The following TENM3 variants were observed in gnomAD, a reference collection of about 807,000 sequenced individuals.
TENM3 encodes teneurin transmembrane protein 3.
TENM3 carries 63 observed loss-of-function variants against 255.1 expected under a neutral mutation model. The ratio of observed to expected loss-of-function variants is 0.25; its 90% CI spans 0.20 to 0.30. TENM3 has a LOEUF of 0.30. TENM3 is among the 10% of genes least tolerant of loss of function. TENM3 has a pLI of 1.00. For missense variants in TENM3, 2,929 were observed against 3,461.1 expected, an observed-to-expected ratio of 0.85 and a Z score of 3.86; for synonymous variants, 1,306 against 1,322.3, an observed-to-expected ratio of 0.99 and a Z score of 0.27.
the TENM3 span, among the ~76,000 whole-genome samples, chr4:181,539,178 G>GAACC: frequency 6.6e-6 from 1 of 152,122 alleles, no homozygotes; most frequent in South Asian, 2.1e-4. Flanking sequence ...AGCATTGGAA[G>GAACC]AACCAACCAA....
chr4:182,163,966 A>G (rs962205394), intron 1 of TENM3, among the ~76,000 whole-genome samples: 1 of 152,208 alleles, frequency 6.6e-6, no homozygotes, highest in Non-Finnish European at 1.5e-5. Flanking sequence ...GTGTTCACTC[A>G]TAAACAGGCA....
the TENM3 span, among the ~76,000 whole-genome samples, chr4:181,845,145 T>A: frequency 6.6e-6 from 1 of 152,342 alleles, no homozygotes; most frequent in African/African-American, 2.4e-5. Flanking sequence ...GACTTTGTTC[T>A]GGGAATTGTT....
chr4:181,851,839 A>G, the TENM3 span, among the ~76,000 whole-genome samples: 1 of 152,160 alleles, frequency 6.6e-6, no homozygotes, highest in Non-Finnish European at 1.5e-5. Flanking sequence ...GCCTATAAGT[A>G]CATAAAATAC....
chr4:181,622,257 G>T, the TENM3 span, among the ~76,000 whole-genome samples: 1 of 152,082 alleles, frequency 6.6e-6, no homozygotes, highest in Non-Finnish European at 1.5e-5. Flanking sequence ...TTCCTGCCTC[G>T]TTTCCCTTTC....
the TENM3 span, among the ~76,000 whole-genome samples, chr4:181,853,493 G>A: frequency 1.3e-5 from 2 of 152,266 alleles, no homozygotes; most frequent in South Asian, 2.1e-4. Context: ...CTCAAAACAC[G>A]TTTGTTAATT....
chr4:182,190,761 T>C (rs1753469173), intron 1 of TENM3, among the ~76,000 whole-genome samples: 1 of 152,188 alleles, frequency 6.6e-6, no homozygotes, highest in Admixed American at 6.5e-5. Context: ...CCTGGCATAA[T>C]TCACGTTTTG....
the TENM3 span, among the ~76,000 whole-genome samples, chr4:181,972,155 C>T: frequency 1.3e-5 from 2 of 152,012 alleles, no homozygotes; most frequent in Non-Finnish European, 2.9e-5. Flanking sequence ...GATGTGGTGA[C>T]TCACATCTGC....
the TENM3 span, among the ~76,000 whole-genome samples, chr4:181,474,303 A>G: frequency 2.6e-5 from 4 of 152,150 alleles, no homozygotes; most frequent in South Asian, 4.1e-4. Flanking sequence ...ACCCCCCAGA[A>G]CTTAAAGTAT....
the TENM3 span, among the ~76,000 whole-genome samples, chr4:181,542,070 G>A: frequency 6.6e-6 from 1 of 152,082 alleles, no homozygotes; most frequent in African/African-American, 2.4e-5. Flanking sequence ...CCCTCCTAGA[G>A]CTTAAATTTT....
At chr4:181,815,357 G>A in the TENM3 span, among the ~76,000 whole-genome samples, 3 of 151,106 alleles carry the variant, frequency 2.0e-5, no homozygotes, top group African/African-American at 7.3e-5. Context: ...AGCTACTTGG[G>A]AGGCTGAGGC....
chr4:181,821,289 G>A, the TENM3 span, among the ~76,000 whole-genome samples: 271 of 152,172 alleles, frequency 1.8e-3, no homozygotes, highest in African/African-American at 6.2e-3. Flanking sequence ...CTGAAGTGCC[G>A]CTTGCTCCAA....
chr4:182,161,839 G>GTATATATGTGTA (rs1561153841), intron 1 of TENM3, among the ~76,000 whole-genome samples: 1 of 17,228 alleles, frequency 5.8e-5, no homozygotes, highest in African/African-American at 2.3e-4. Flanking sequence ...ATATATATGT[G>GTATATATGTGTA]TATATATACA....
the TENM3 span, among the ~76,000 whole-genome samples, chr4:181,531,946 A>G: frequency 6.6e-6 from 1 of 152,222 alleles, no homozygotes; most frequent in Admixed American, 6.5e-5. Context: ...CTGCAGTTGC[A>G]GGGCTCGCTT....
chr4:182,753,445 T>C lies in TENM3; in HGVS notation c.3863-5T>C. On this transcript the variant is annotated splice_polypyrimidine_tract_variant and splice_region_variant and intron_variant, in intron 20 of 27. Coordinates refer to ENST00000511685, the MANE Select transcript of TENM3 (RefSeq NM_001080477.4). ...ATTAGTAATACTTGCTTCTCTCAAATACAGGAATGGCAGTTGATAAGAATG... is the reference window on the plus strand; with the variant it reads ...ATTAGTAATACTTGCTTCTCTCAAACACAGGAATGGCAGTTGATAAGAATG... The C allele has an allele frequency of 6.2e-7, 1 of 1,611,902 alleles. No homozygotes were observed. The highest frequency in any genetic ancestry group is 8.5e-7 in the Non-Finnish European group (1 of 1,178,784).
the TENM3 span, among the ~76,000 whole-genome samples, chr4:181,618,692 G>A: frequency 0.029 from 4,445 of 152,224 alleles, 216 homozygotes; most frequent in African/African-American, 0.1. Flanking sequence ...CATCTGGAGC[G>A]TGTAATAAAG....
At chr4:182,759,138 G>T in intron 22 of TENM3, among the ~76,000 whole-genome samples, 1 of 152,202 alleles carries the variant, frequency 6.6e-6, no homozygotes. Context: ...GTACAAACTT[G>T]AGTGTACCAT....
At chr4:182,228,246 T>G (rs2149999044) in intron 1 of TENM3, among the ~76,000 whole-genome samples, 1 of 152,002 alleles carries the variant, frequency 6.6e-6, no homozygotes, top group South Asian at 2.1e-4. Flanking sequence ...TGCCACAAAA[T>G]AAAAGACTGT....
rs188945285 is a variant in TENM3 at position 182,577,971 on chromosome 4, A to T, written c.512-22953A>T. Among the ~76,000 whole-genome samples, 799 of 150,360 alleles carry T rather than the reference A, an allele frequency of 5.3e-3. 7 individuals carry two copies. The highest frequency in any genetic ancestry group is 0.018 in the African/African-American group (752 of 41,016). Reference sequence around the variant, plus strand: ...ATTTTCAGTAAATGCTATTCTGATGACCCAATTTAATTTTTTTTTTTTTGA... The same window carrying T: ...ATTTTCAGTAAATGCTATTCTGATGTCCCAATTTAATTTTTTTTTTTTTGA... On this transcript the variant is annotated intron_variant, in intron 3 of 27. Transcript: ENST00000511685.
the TENM3 span, among the ~76,000 whole-genome samples, chr4:181,986,210 T>G: frequency 1.3e-5 from 2 of 152,042 alleles, no homozygotes; most frequent in African/African-American, 4.8e-5. Flanking sequence ...ACCAGCAGAT[T>G]TCCCTCACGT....
Sources: allele counts gnomAD v4.1 joint callset (sites outside exome capture counted in the v4.1 genomes callset), GRCh38; gene constraint gnomAD v4.1.1; transcripts MANE v1.5; gene names NCBI Gene and HGNC (gene_info 2026-07-23, HGNC 2026-07-21).